Variants in KLRG1 observed in about 807,000 individuals in gnomAD.
The protein encoded by KLRG1 is killer cell lectin-like receptor subfamily G member 1.
Under a neutral mutation model 21.8 loss-of-function variants are expected in KLRG1, and 16 were observed. The observed-to-expected ratio is 0.73, with a 90% CI of 0.50 to 1.11. The LOEUF is 1.11. Among genes scored for constraint, KLRG1 ranks in the 50% most tolerant of loss-of-function variants. The pLI, the probability that KLRG1 is intolerant of heterozygous loss-of-function variation, is 0.00. For synonymous variants in KLRG1, 69 were observed against 75.9 expected (o/e 0.91, Z 0.47); for missense variants, 173 against 218.3 (o/e 0.79, Z 1.31).
chr12:9,174,606 A>G, the KLRG1 span, among the ~76,000 whole-genome samples: 1 of 152,250 alleles, frequency 6.6e-6, no homozygotes, highest in Admixed American at 6.5e-5. Flanking sequence ...AAGCAACTTC[A>G]GCAAAATCTC....
the KLRG1 span, among the ~76,000 whole-genome samples, chr12:9,059,691 A>G: frequency 6.6e-6 from 1 of 152,092 alleles, no homozygotes; most frequent in African/African-American, 2.4e-5. Context: ...TTATATATGC[A>G]TGTATGTATG....
At chr12:9,113,658 T>C in the KLRG1 span, 769 of 1,046,064 alleles carry the variant, frequency 7.4e-4, 3 homozygotes, top group African/African-American at 0.011. Flanking sequence ...AGAGAAGATG[T>C]ACTGATGAGC....
the KLRG1 span, among the ~76,000 whole-genome samples, chr12:9,138,390 C>T: frequency 6.6e-6 from 1 of 151,834 alleles, no homozygotes; most frequent in East Asian, 1.9e-4. Context: ...CTTTAATGTG[C>T]TGTTGGATTC....
the KLRG1 span, among the ~76,000 whole-genome samples, chr12:9,110,911 A>G: frequency 6.6e-6 from 1 of 152,178 alleles, no homozygotes; most frequent in South Asian, 2.1e-4. Context: ...AAAATGGATT[A>G]ACATGTCTTA....
chr12:9,018,672 C>T, the KLRG1 span, among the ~76,000 whole-genome samples: 1 of 140,606 alleles, frequency 7.1e-6, no homozygotes, highest in Non-Finnish European at 1.5e-5. Flanking sequence ...GAGACCTCAT[C>T]TCTATTTAAA....
the KLRG1 span, among the ~76,000 whole-genome samples, chr12:9,183,155 G>A: frequency 6.6e-6 from 1 of 151,916 alleles, no homozygotes; most frequent in Non-Finnish European, 1.5e-5. Context: ...ATACCCTTAG[G>A]AATATTTTAC....
At chr12:9,196,492 T>A in the KLRG1 span, 1 of 1,574,896 alleles carries the variant, frequency 6.3e-7, no homozygotes, top group Non-Finnish European at 8.7e-7. Context: ...TCATAAAATT[T>A]CTTTCTTACA....
chr12:9,181,709 C>T, the KLRG1 span, among the ~76,000 whole-genome samples: 1 of 152,082 alleles, frequency 6.6e-6, no homozygotes, highest in East Asian at 1.9e-4. Context: ...ACTTTTGAGT[C>T]TTAGCATTTT....
the KLRG1 span, among the ~76,000 whole-genome samples, chr12:9,105,484 A>G: frequency 6.6e-6 from 1 of 152,182 alleles, no homozygotes; most frequent in East Asian, 1.9e-4. Flanking sequence ...CCTCTTTTAC[A>G]CCCTTCATAG....
chr12:9,099,987 A>C, the KLRG1 span, among the ~76,000 whole-genome samples: 1 of 152,248 alleles, frequency 6.6e-6, no homozygotes, highest in African/African-American at 2.4e-5. Flanking sequence ...TAGAGGTTGC[A>C]TTAAGTTTCC....
chr12:9,135,916 C>A, the KLRG1 span, among the ~76,000 whole-genome samples: 2 of 152,318 alleles, frequency 1.3e-5, no homozygotes, highest in Admixed American at 1.3e-4. Flanking sequence ...GAACCTTTCT[C>A]TGTAGTAGAT....
chr12:9,031,469 C>T, the KLRG1 span, among the ~76,000 whole-genome samples: 1,071 of 152,238 alleles, frequency 7.0e-3, 92 homozygotes, highest in East Asian at 0.18. Context: ...TTCAACGGGC[C>T]GCTGCTGGTA....
the KLRG1 span, among the ~76,000 whole-genome samples, chr12:9,052,393 A>G: frequency 6.6e-6 from 1 of 152,200 alleles, no homozygotes; most frequent in Non-Finnish European, 1.5e-5. Flanking sequence ...CGTGAGCAGC[A>G]CTGGTCACAG....
chr12:9,162,469 T>C, the KLRG1 span: 1 of 687,064 alleles, frequency 1.5e-6, no homozygotes, highest in South Asian at 1.9e-5. Context: ...TAAAGAAATA[T>C]TTAGTATTAT....
At chr12:8,953,530 G>A (rs1946239823) in intron 1 of KLRG1, among the ~76,000 whole-genome samples, 1 of 152,154 alleles carries the variant, frequency 6.6e-6, no homozygotes, top group Non-Finnish European at 1.5e-5. Context: ...CTTGTAGCTT[G>A]GCTTTCAGGC....
chr12:9,077,009 A>T, the KLRG1 span: 1 of 1,410,878 alleles, frequency 7.1e-7, no homozygotes. Flanking sequence ...AAATACACGG[A>T]TCACAGCACA....
At chr12:8,953,796 A>C (rs150791400) in intron 1 of KLRG1, among the ~76,000 whole-genome samples, 1 of 152,204 alleles carries the variant, frequency 6.6e-6, no homozygotes, top group Non-Finnish European at 1.5e-5. Context: ...AGAGGACTCT[A>C]TGATACAGAA....
At chr12:8,971,499 T>A (rs761640127) in intron 1 of KLRG1, among the ~76,000 whole-genome samples, 27 of 152,280 alleles carry the variant, frequency 1.8e-4, no homozygotes, top group Non-Finnish European at 2.9e-4. Flanking sequence ...TTATTTATTT[T>A]TTTTGAGACA....
intron 1 of KLRG1, among the ~76,000 whole-genome samples, chr12:8,956,396 G>A (rs1249355224): frequency 6.6e-6 from 1 of 152,118 alleles, no homozygotes; most frequent in Non-Finnish European, 1.5e-5. Flanking sequence ...CAGACCTCGG[G>A]ATTCCCCAAG....
Sources: allele counts gnomAD v4.1 joint callset (sites outside exome capture counted in the v4.1 genomes callset), GRCh38; gene constraint gnomAD v4.1.1; transcripts MANE v1.5; gene names NCBI Gene and HGNC (gene_info 2026-07-23, HGNC 2026-07-21).